SEMA3B: variants seen among roughly 807,000 people sequenced by gnomAD.
SEMA3B encodes the protein semaphorin-3B.
SEMA3B carries 71 observed loss-of-function variants against 77.8 expected under a neutral mutation model. The observed-to-expected ratio is 0.91, with a 90% CI of 0.75 to 1.11. The LOEUF (loss-of-function observed/expected upper bound fraction) is 1.11. Among genes scored for constraint, SEMA3B ranks in the 50% most tolerant of loss-of-function variants. The pLI, the probability that SEMA3B is intolerant of heterozygous loss-of-function variation, is 0.00. For synonymous variants in SEMA3B, 470 were observed against 452.9 expected (o/e 1.04, Z -0.48); for missense variants, 968 against 1,056.8 (o/e 0.92, Z 1.17).
intron 6 of SEMA3B, among the ~76,000 whole-genome samples, chr3:50,272,342 A>T (rs1701074716): frequency 6.6e-6 from 1 of 152,200 alleles, no homozygotes; most frequent in Non-Finnish European, 1.5e-5. Context: ...TGGGAGGCGG[A>T]GGCAGGCAAA....
At position 50,273,095 on chromosome 3, in the gene SEMA3B, C is replaced by T; in HGVS notation, c.665-203C>T. 1 of 763,814 alleles carries T rather than the reference C, an allele frequency of 1.3e-6. No homozygotes were observed. Among genetic ancestry groups the T allele is most frequent in the Non-Finnish European group, 2.0e-6 (1 of 497,278 alleles). 47.3% of individuals were successfully genotyped at this position (763,814 alleles called of 1,614,324 possible). The stretch of plus-strand genomic sequence containing the variant: ...AGCCACGGTCTCTGCTGCCCCCTCG[C>T]GGCTGCTTCTTGCCTCGCAGGCCCT... On this transcript the variant is annotated intron_variant, in intron 6 of 16. Coordinates refer to ENST00000616701, the MANE Select transcript of SEMA3B (RefSeq NM_001290060.2). The surrounding 1 kb of genome is among the most constrained non-coding windows in gnomAD (Gnocchi z 6.5).
rs1311128368 is a variant in SEMA3B at position 50,270,955 on chromosome 3, C to T, written c.396C>T (p.Gly132=). ...AYNRTHLLAC[G]TGAFHPTCAF... Reference sequence around the variant, plus strand: ...ACCGCACCCATTTGCTGGCCTGTGGCACGGGAGCCTTCCACCCAACCTGTG... The same window carrying T: ...ACCGCACCCATTTGCTGGCCTGTGGTACGGGAGCCTTCCACCCAACCTGTG... Residue 132 remains glycine, a synonymous_variant, in exon 4 of 17, where the codon GGC becomes GGT. Transcript: ENST00000616701. The surrounding 1 kb of genome is among the most constrained non-coding windows in gnomAD (Gnocchi z 4.7). 6.2e-7 allele frequency: 1 copy of T among 1,611,454 alleles called. No homozygotes were observed. The highest frequency in any genetic ancestry group is 8.5e-7 in the Non-Finnish European group (1 of 1,178,888).
rs2071203 is a variant in SEMA3B, at chr3:50,274,469, C to T, written c.1244C>T (p.Thr415Ile). 0.041 allele frequency: 63,385 copies of T among 1,550,080 alleles called. 11,737 individuals carry two copies. In the East Asian group the frequency reaches 0.54, roughly 13 times the overall value. Reference sequence around the variant, plus strand: ...CTCATGTACAACTCTGTCCTGCCCACTGGGGGGCGCCCTCTTTTCCTACAA... The same window carrying T: ...CTCATGTACAACTCTGTCCTGCCCATTGGGGGGCGCCCTCTTTTCCTACAA... ...HPLMYNSVLPTGGRPLFLQVG... is the reference protein window; with the variant it reads ...HPLMYNSVLPIGGRPLFLQVG... Residue 415 changes from threonine (T) to isoleucine (I), a missense_variant, in exon 11 of 17, where the codon ACT (threonine) becomes ATT (isoleucine). Thr to Ile is a moderately conservative substitution (Grantham distance 89). Transcript: ENST00000616701. The surrounding 1 kb of genome is among the most constrained non-coding windows in gnomAD (Gnocchi z 4.7).
chr3:50,275,463 G>C lies in SEMA3B; in HGVS notation c.1649+4G>C, dbSNP rs1553706404. On this transcript the variant is annotated splice_donor_region_variant and intron_variant, in intron 14 of 16. Coordinates refer to ENST00000616701, the MANE Select transcript of SEMA3B (RefSeq NM_001290060.2). This position sits in a 1 kb window ranked among gnomAD's most constrained non-coding sequence, Gnocchi z 7.5. ...GCTTCCAGCCCAGTGCCAAGAGGTG[G>C]GCGGGGTCGGGGTTGGGCCGCCGGG... The C allele has an allele frequency of 6.2e-7, 1 of 1,606,590 alleles. No homozygotes were observed. The highest frequency in any genetic ancestry group is 8.5e-7 in the Non-Finnish European group (1 of 1,175,400).
chr3:50,265,805 A>G (rs587766621), upstream of SEMA3B, among the ~76,000 whole-genome samples: 3 of 152,268 alleles, frequency 2.0e-5, no homozygotes, highest in Admixed American at 1.3e-4. Context: ...GCCCCTACCC[A>G]TGGCCTGGCA....
At chr3:50,268,136 A>G (rs1263440022), upstream of SEMA3B, among the ~76,000 whole-genome samples, 3 of 152,152 alleles carry the variant, frequency 2.0e-5, no homozygotes, top group African/African-American at 7.2e-5. Context: ...CAGCGAGGCC[A>G]GGAGGCTGGG....
At chr3:50,264,378 G>T (rs1371497208), upstream of SEMA3B, among the ~76,000 whole-genome samples, 1 of 152,214 alleles carries the variant, frequency 6.6e-6, no homozygotes, top group Non-Finnish European at 1.5e-5. Flanking sequence ...CCAGAGCTAA[G>T]GTGGCAGCAA....
intron 6 of SEMA3B, among the ~76,000 whole-genome samples, chr3:50,272,710 CAAA>C (rs34975459): frequency 4.2e-5 from 3 of 71,816 alleles, no homozygotes; most frequent in Non-Finnish European, 2.9e-5. Context: ...GACTTCGTCT[CAAA>C]AAAAAAAAAA....
chr3:50,275,380 A>G lies in SEMA3B; in HGVS notation c.1570A>G (p.Thr524Ala), dbSNP rs1240649967. 6.3e-7 allele frequency: 1 copy of G among 1,589,966 alleles called. No homozygotes were observed. Among genetic ancestry groups the G allele is most frequent in the Admixed American group, 1.8e-5 (1 of 55,890 alleles). The change falls in exon 14 of 17, where the codon ACC becomes GCC. Residue 524 changes from threonine to alanine, a missense_variant. Coordinates refer to ENST00000616701, the MANE Select transcript of SEMA3B (RefSeq NM_001290060.2). This position sits in a 1 kb window ranked among gnomAD's most constrained non-coding sequence, Gnocchi z 7.5. ...CTGCGCTGCCCACGGCCGCGTCTGC[A>G]CCGAATGCTGTCTGGCGCGTGACCC... is the stretch of plus-strand genomic sequence containing the variant. ...HRCAAHGRVC[T>A]ECCLARDPYC...
At chr3:50,261,185 C>T in the SEMA3B span, 1 of 152,306 alleles carries the variant, frequency 6.6e-6, no homozygotes, top group Non-Finnish European at 1.5e-5. Context: ...CGCTGCATCC[C>T]CAGAGCCCTC....
Position 50,274,697 on chromosome 3 carries a change from C to G in SEMA3B, c.1357+115C>G. Reference sequence around the variant, plus strand: ...ATCCTTTCCTGGGCTGTGTCTCCACCCTGTGGATGCTGCCCAACCCACACT... The same window carrying G: ...ATCCTTTCCTGGGCTGTGTCTCCACGCTGTGGATGCTGCCCAACCCACACT... On this transcript the variant is annotated intron_variant, in intron 11 of 16. Coordinates refer to ENST00000616701, the MANE Select transcript of SEMA3B (RefSeq NM_001290060.2). This position sits in a 1 kb window ranked among gnomAD's most constrained non-coding sequence, Gnocchi z 4.7. 1 of 1,393,840 alleles carries G rather than the reference C, an allele frequency of 7.2e-7. No homozygotes were observed. Among genetic ancestry groups the G allele is most frequent in the African/African-American group, 1.4e-5 (1 of 70,348 alleles). The allele number at this position is 1,393,840 out of a possible 1,614,324, so 86.3% of individuals were successfully genotyped here. A position where few individuals can be genotyped will look rare whatever the true frequency, so the allele number is the denominator to read the frequency against.
chr3:50,270,575 C>T lies in SEMA3B; in HGVS notation c.330+80C>T. 6.3e-7 allele frequency: 1 copy of T among 1,583,974 alleles called. No individual in the cohort carries two copies. On this transcript the variant is annotated intron_variant, in intron 3 of 16. Transcript: ENST00000616701. The surrounding 1 kb of genome is among the most constrained non-coding windows in gnomAD (Gnocchi z 4.7). ...GACAGGGCAGGGCTAAAACAGAGGC[C>T]TGCCTGTTCTGGCTGGGATGAGGGC...
rs781843100 is a variant in SEMA3B at position 50,276,575 on chromosome 3, C to T, written c.2119C>T (p.Leu707=). ...EPGGGGSANS[L]RMCRPQPALQ... ...GGGCGGAGGTGGCAGCGCGAACTCC[C>T]TGCGCATGTGCCGCCCGCAGCCTGC... The change falls in exon 17 of 17, where the codon CTG becomes TTG. Residue 707 remains leucine (L), a synonymous_variant. Coordinates refer to ENST00000616701, the MANE Select transcript of SEMA3B (RefSeq NM_001290060.2). This position sits in a 1 kb window ranked among gnomAD's most constrained non-coding sequence, Gnocchi z 5.8. 2.6e-6 allele frequency: 4 copies of T among 1,551,226 alleles called. No individual in the cohort carries two copies. The Admixed American group carries it at 7.7e-5, about 30-fold the overall frequency.
chr3:50,269,615 C>A lies in SEMA3B; in HGVS notation c.109+266C>A, dbSNP rs1700990248. Among the ~76,000 whole-genome samples, 3 of 152,208 alleles carry A rather than the reference C, an allele frequency of 2.0e-5. No individual in the cohort carries two copies. The highest frequency in any genetic ancestry group is 7.2e-5 in the African/African-American group (3 of 41,454). ...GACCTTGTCTCTGTTCCGTTCAGTACCCCCAACAAGGCGATACTCCTTCAG... is the reference window on the plus strand; with the variant it reads ...GACCTTGTCTCTGTTCCGTTCAGTAACCCCAACAAGGCGATACTCCTTCAG... On this transcript the variant is annotated intron_variant, in intron 1 of 16. Coordinates refer to ENST00000616701, the MANE Select transcript of SEMA3B (RefSeq NM_001290060.2). This position sits in a 1 kb window ranked among gnomAD's most constrained non-coding sequence, Gnocchi z 4.0.
At position 50,273,201 on chromosome 3, in the gene SEMA3B, T is replaced by C; in HGVS notation, c.665-97T>C. 1 of 1,482,642 alleles carries C rather than the reference T, an allele frequency of 6.7e-7. No homozygotes were observed. The highest frequency in any genetic ancestry group is 9.1e-7 in the Non-Finnish European group (1 of 1,104,870). The allele number at this position is 1,482,642 out of a possible 1,614,324, so 91.8% of individuals were successfully genotyped here. A position where few individuals can be genotyped will look rare whatever the true frequency, so the allele number is the denominator to read the frequency against. On this transcript the variant is annotated intron_variant, in intron 6 of 16. Coordinates refer to ENST00000616701, the MANE Select transcript of SEMA3B (RefSeq NM_001290060.2). This position sits in a 1 kb window ranked among gnomAD's most constrained non-coding sequence, Gnocchi z 6.5. ...GGTGGTCAGACACTGTGATCCCGGGTGCTGTGCCCGCACTACGGGAAGGGG... is the reference window on the plus strand; with the variant it reads ...GGTGGTCAGACACTGTGATCCCGGGCGCTGTGCCCGCACTACGGGAAGGGG...
In SEMA3B at chr3:50,273,365, C is replaced by T. The variant is rs782289078; in HGVS notation, c.732C>T (p.Phe244=). ...SENPDDDKIY[F]FFRETAVEAA... The stretch of plus-strand genomic sequence containing the variant: ...ACCCAGACGACGACAAAATCTACTT[C>T]TTCTTTCGTGAGACGGCGGTAGAGG... Residue 244 remains phenylalanine (F), a synonymous_variant, in exon 7 of 17, where the codon TTC becomes TTT. Transcript: ENST00000616701. The surrounding 1 kb of genome is among the most constrained non-coding windows in gnomAD (Gnocchi z 6.5). 2 of 1,613,972 alleles carry T rather than the reference C, an allele frequency of 1.2e-6. No homozygotes were observed. Among genetic ancestry groups the T allele is most frequent in the Non-Finnish European group, 1.7e-6 (2 of 1,179,862 alleles).
In SEMA3B at chr3:50,276,235, C is replaced by A. The variant is rs1575475968; in HGVS notation, c.1846-67C>A. On this transcript the variant is annotated intron_variant, in intron 16 of 16. Transcript: ENST00000616701. This position sits in a 1 kb window ranked among gnomAD's most constrained non-coding sequence, Gnocchi z 5.8. ...CAATGACTCTTTGCTTCTTCCGTCG[C>A]GTGCTAGGGCCCGGAAGCCCTGTTC... 1 of 1,424,268 alleles carries A rather than the reference C, an allele frequency of 7.0e-7. No individual in the cohort carries two copies. Among genetic ancestry groups the A allele is most frequent in the East Asian group, 2.7e-5 (1 of 37,592 alleles). The allele number at this position is 1,424,268 out of a possible 1,614,324, so 88.2% of individuals were successfully genotyped here.
rs1331268394 is a variant in SEMA3B, at chr3:50,269,817, T to G, written c.110-310T>G. Reference sequence around the variant, plus strand: ...GGTTCTGGCCATCCCTGCATGCCAGTCTCCCCCAGGACTCTGGTGTCCATA... The same window carrying G: ...GGTTCTGGCCATCCCTGCATGCCAGGCTCCCCCAGGACTCTGGTGTCCATA... On this transcript the variant is annotated intron_variant, in intron 1 of 16. Coordinates refer to ENST00000616701, the MANE Select transcript of SEMA3B (RefSeq NM_001290060.2). The surrounding 1 kb of genome is among the most constrained non-coding windows in gnomAD (Gnocchi z 4.0). Among the ~76,000 whole-genome samples, 19 of 152,042 alleles carry G rather than the reference T, an allele frequency of 1.2e-4. No individual in the cohort carries two copies. Among genetic ancestry groups the G allele is most frequent in the Non-Finnish European group, 8.8e-5 (6 of 67,984 alleles).
Position 50,269,328 on chromosome 3 carries a change from C to G in SEMA3B, c.88C>G (p.Arg30Gly), listed in dbSNP as rs782775940. 2.6e-6 allele frequency: 4 copies of G among 1,512,086 alleles called. No individual in the cohort carries two copies. The highest frequency in any genetic ancestry group is 3.5e-6 in the Non-Finnish European group (4 of 1,135,164). 93.7% of individuals were successfully genotyped at this position (1,512,086 alleles called of 1,614,324 possible). The change falls in exon 1 of 17, where the codon CGC (arginine) becomes GGC (glycine). Residue 30 changes from arginine (R) to glycine (G), a missense_variant. Transcript: ENST00000616701. The surrounding 1 kb of genome is among the most constrained non-coding windows in gnomAD (Gnocchi z 4.0). ...GGGGAGTGCCGCCCCCAGCCCCCCACGCCTTCGGCTCTCCTTCCAAGGTAG... is the reference window on the plus strand; with the variant it reads ...GGGGAGTGCCGCCCCCAGCCCCCCAGGCCTTCGGCTCTCCTTCCAAGGTAG... ...GLGSAAPSPP[R>G]LRLSFQELQA...
Sources: allele counts gnomAD v4.1 joint callset (sites outside exome capture counted in the v4.1 genomes callset), GRCh38; gene constraint gnomAD v4.1.1; non-coding constraint Gnocchi (gnomAD v3.1); transcripts MANE v1.5; gene names NCBI Gene and HGNC (gene_info 2026-07-23, HGNC 2026-07-21).